The following RARB variants were observed in gnomAD, a reference collection of about 807,000 sequenced individuals.
The protein encoded by RARB is HBV-activated protein.
RARB carries 17 observed loss-of-function variants against 51.9 expected under a neutral mutation model. The ratio of observed to expected loss-of-function variants is 0.33; its 90% CI spans 0.22 to 0.49. The LOEUF (loss-of-function observed/expected upper bound fraction) is 0.49. Among genes scored for constraint, RARB ranks in the 20% least tolerant of loss-of-function variants. RARB has a pLI of 0.99. For synonymous variants in RARB, 215 were observed against 195.4 expected (o/e 1.10, Z -0.84); for missense variants, 369 against 550.8 (o/e 0.67, Z 3.30).
intron 2 of RARB, among the ~76,000 whole-genome samples, chr3:25,054,400 T>A (rs1384656314): frequency 2.0e-5 from 3 of 152,004 alleles, no homozygotes. Flanking sequence ...ATAGGAGAGA[T>A]ACAGAGAAGT....
intron 2 of RARB, among the ~76,000 whole-genome samples, chr3:25,484,180 A>G (rs889910423): frequency 6.6e-6 from 1 of 152,200 alleles, no homozygotes; most frequent in Non-Finnish European, 1.5e-5. Flanking sequence ...AGGGAAAGAC[A>G]TGATTTCTAA....
At chr3:25,356,839 T>G (rs1483047616) in intron 5 of RARB, among the ~76,000 whole-genome samples, 1 of 152,212 alleles carries the variant, frequency 6.6e-6, no homozygotes, top group Non-Finnish European at 1.5e-5. Flanking sequence ...GCAAAGAACA[T>G]GAACTCATTC....
chr3:24,959,041 G>A (rs934925663), intron 2 of RARB, among the ~76,000 whole-genome samples: 2 of 152,190 alleles, frequency 1.3e-5, no homozygotes, highest in Non-Finnish European at 2.9e-5. Context: ...GTAGCTTCTG[G>A]AAAGGGAGTA....
At position 25,000,179 on chromosome 3, in the gene RARB, T is replaced by TA. The variant is rs147789275; in HGVS notation, c.-379-59946_-379-59945insA. Among the ~76,000 whole-genome samples the TA allele has an allele frequency of 7.4e-3, 1,120 of 152,256 alleles. 8 individuals carry two copies. The highest frequency in any genetic ancestry group is 0.025 in the African/African-American group (1,059 of 41,560). On this transcript the variant is annotated intron_variant, in intron 2 of 11. Transcript: ENST00000383772. Reference sequence around the variant, plus strand: ...TCCACTACAAATTTCTACTTTGATATGGGTGCAATGATTGAGAGATTCTGG... The same window carrying TA: ...TCCACTACAAATTTCTACTTTGATATAGGGTGCAATGATTGAGAGATTCTGG...
intron 5 of RARB, among the ~76,000 whole-genome samples, chr3:25,287,040 C>T (rs946934299): frequency 2.6e-5 from 4 of 152,280 alleles, no homozygotes; most frequent in South Asian, 2.1e-4. Context: ...CCTGTTATTA[C>T]GAACAATGGA....
intron 5 of RARB, among the ~76,000 whole-genome samples, chr3:25,240,809 C>A (rs1181587714): frequency 6.6e-6 from 1 of 151,946 alleles, no homozygotes; most frequent in East Asian, 1.9e-4. Context: ...GTTGTTGTGT[C>A]TTTGTCTGGT....
At chr3:25,287,622 T>G (rs2125419771) in intron 5 of RARB, among the ~76,000 whole-genome samples, 1 of 152,334 alleles carries the variant, frequency 6.6e-6, no homozygotes, top group African/African-American at 2.4e-5. Context: ...AAATTCTGAC[T>G]TCCTTTGTAT....
intron 5 of RARB, among the ~76,000 whole-genome samples, chr3:25,339,417 G>A (rs944121032): frequency 7.4e-4 from 113 of 152,246 alleles, no homozygotes; most frequent in African/African-American, 2.6e-3. Flanking sequence ...AACGCTTTCT[G>A]TACCTCACTT....
At chr3:25,206,171 C>A (rs1300564970) in intron 5 of RARB, among the ~76,000 whole-genome samples, 1 of 152,190 alleles carries the variant, frequency 6.6e-6, no homozygotes, top group East Asian at 1.9e-4. Context: ...TTCTCAAGTT[C>A]TATTTTCCAG....
chr3:24,961,313 G>A (rs1200306774), intron 2 of RARB, among the ~76,000 whole-genome samples: 2 of 152,102 alleles, frequency 1.3e-5, no homozygotes, highest in Non-Finnish European at 2.9e-5. Context: ...TCCAGACCAA[G>A]AATAAATATG....
At chr3:24,899,131 C>T (rs757962657) in intron 2 of RARB, among the ~76,000 whole-genome samples, 2 of 152,104 alleles carry the variant, frequency 1.3e-5, no homozygotes, top group African/African-American at 4.8e-5. Flanking sequence ...TTTTCGAGGC[C>T]TGGTGCACAA....
intron 3 of RARB, among the ~76,000 whole-genome samples, chr3:25,129,657 T>C (rs1415570948): frequency 6.6e-6 from 1 of 152,050 alleles, no homozygotes; most frequent in Non-Finnish European, 1.5e-5. Context: ...TAATAAATAT[T>C]TGTTGAATGA....
At chr3:25,222,717 T>G (rs1701973920) in intron 5 of RARB, among the ~76,000 whole-genome samples, 1 of 152,198 alleles carries the variant, frequency 6.6e-6, no homozygotes. Context: ...TAGATCCTTG[T>G]ATAAGAGATG....
intron 3 of RARB, among the ~76,000 whole-genome samples, chr3:25,106,462 T>G (rs55972565): frequency 0.17 from 21,907 of 126,238 alleles, 3,212 homozygotes; most frequent in Non-Finnish European, 0.25. Context: ...TTTTTTGTTT[T>G]TTTTTGTTTT....
At chr3:25,506,507 T>C (rs991594431) in intron 3 of RARB, among the ~76,000 whole-genome samples, 1 of 151,872 alleles carries the variant, frequency 6.6e-6, no homozygotes, top group African/African-American at 2.4e-5. Flanking sequence ...ACTCAGCTAA[T>C]CGGGAGGCTG....
chr3:24,942,937 G>C lies in RARB; in HGVS notation c.-380+84185G>C, dbSNP rs543814161. Among the ~76,000 whole-genome samples, 4 of 152,148 alleles carry C rather than the reference G, an allele frequency of 2.6e-5. No individual in the cohort carries two copies. In the South Asian group the frequency reaches 8.3e-4, roughly 32 times the overall value. ...TAAAAGTATTAATAAAAATGTAAGA[G>C]AACCAAGGTAGATTTGGGCTATCTA... On this transcript the variant is annotated intron_variant, in intron 2 of 11. Transcript: ENST00000383772.
intron 2 of RARB, among the ~76,000 whole-genome samples, chr3:24,993,813 C>T (rs1696965853): frequency 6.6e-6 from 1 of 152,142 alleles, no homozygotes. Flanking sequence ...CAGTTCCATT[C>T]ATTTTGCCAC....
intron 2 of RARB, among the ~76,000 whole-genome samples, chr3:24,975,269 T>G (rs186177119): frequency 1.9e-4 from 29 of 152,274 alleles, no homozygotes; most frequent in African/African-American, 6.3e-4. Context: ...CAATAAATGA[T>G]AGTTGCTATT....
intron 2 of RARB, among the ~76,000 whole-genome samples, chr3:24,876,541 A>G (rs1356644507): frequency 3.6e-4 from 55 of 152,190 alleles, no homozygotes; most frequent in Admixed American, 3.6e-3. Flanking sequence ...ATGTCTGAGC[A>G]AGTGAACATA....
Sources: allele counts gnomAD v4.1 joint callset (sites outside exome capture counted in the v4.1 genomes callset), GRCh38; gene constraint gnomAD v4.1.1; transcripts MANE v1.5; gene names NCBI Gene and HGNC (gene_info 2026-07-23, HGNC 2026-07-21).